The following FYTTD1 variants were observed in gnomAD, a reference collection of about 807,000 sequenced individuals.
The protein encoded by FYTTD1 is forty-two-three domain containing 1.
Under a neutral mutation model 40.9 loss-of-function variants are expected in FYTTD1, and 22 were observed. That is an observed-to-expected ratio of 0.54 (90% confidence interval 0.38 to 0.77). The LOEUF (loss-of-function observed/expected upper bound fraction) is 0.77. FYTTD1 is among the 30% of genes least tolerant of loss of function. FYTTD1 has a pLI of 0.00. For missense variants in FYTTD1, 351 were observed against 392.2 expected, an observed-to-expected ratio of 0.90 and a Z score of 0.89; for synonymous variants, 140 against 137.9, an observed-to-expected ratio of 1.01 and a Z score of -0.10.
Position 197,783,581 on chromosome 3 carries a change from T to C in FYTTD1, c.*1672T>C, listed in dbSNP as rs1470568850. The C allele has an allele frequency of 1.3e-5, 2 of 152,648 alleles. No individual in the cohort carries two copies. The highest frequency in any genetic ancestry group is 6.5e-5 in the Admixed American group (1 of 15,280). 9.5% of individuals were successfully genotyped at this position (152,648 alleles called of 1,614,324 possible). A position where few individuals can be genotyped will look rare whatever the true frequency, so the allele number is the denominator to read the frequency against. On this transcript the variant is annotated 3_prime_UTR_variant, in exon 9 of 9. Transcript: ENST00000241502. ...GAATTTGGAAATAAATTCTAGTCTC[T>C]CCTTAGCTATTTGATGCTTTTCATA...
chr3:197,779,270 C>T lies in FYTTD1; in HGVS notation c.858+806C>T, dbSNP rs1045088620. 2.0e-5 allele frequency among the ~76,000 whole-genome samples: 3 copies of T among 152,140 alleles called. No individual in the cohort carries two copies. In the East Asian group the frequency reaches 5.8e-4, roughly 29 times the overall value. ...TCTCTACTAAAAATACAAAAATTAG[C>T]CTGGTGTGGTGGCTCATGCCTGTAA... On this transcript the variant is annotated intron_variant, in intron 8 of 8. Coordinates refer to ENST00000241502, the MANE Select transcript of FYTTD1 (RefSeq NM_032288.7).
At chr3:197,776,515 C>T (rs1276510119) in intron 6 of FYTTD1, among the ~76,000 whole-genome samples, 1 of 151,018 alleles carries the variant, frequency 6.6e-6, no homozygotes, top group Non-Finnish European at 1.5e-5. Flanking sequence ...GAGCCAGTGC[C>T]CGGCTGCAGC....
chr3:197,772,571 C>G (rs575099027), intron 4 of FYTTD1, among the ~76,000 whole-genome samples: 21 of 152,226 alleles, frequency 1.4e-4, no homozygotes, highest in African/African-American at 5.1e-4. Flanking sequence ...GAGCATTGTT[C>G]TGTGCATGAA....
intron 1 of FYTTD1, among the ~76,000 whole-genome samples, chr3:197,753,275 CAT>C (rs1729117149): frequency 6.6e-6 from 1 of 152,164 alleles, no homozygotes; most frequent in Non-Finnish European, 1.5e-5. Context: ...ATGAATTTCA[CAT>C]AGAGTACCAA....
In FYTTD1 at chr3:197,778,361, G is replaced by T; in HGVS notation, c.755G>T (p.Arg252Leu). Residue 252 changes from arginine to leucine, a missense_variant, in exon 8 of 9, where the codon CGT (arginine) becomes CTT (leucine). Arg to Leu is a moderately radical substitution (Grantham distance 102). Transcript: ENST00000241502. ...CPVTQKPRLTRTAVPSFLTKR... is the reference protein window; with the variant it reads ...CPVTQKPRLTLTAVPSFLTKR... Reference sequence around the variant, plus strand: ...AGAACTCAGAAACCACGATTAACTCGTACTGCTGTACCTTCATTTTTAACA... The same window carrying T: ...AGAACTCAGAAACCACGATTAACTCTTACTGCTGTACCTTCATTTTTAACA... The T allele has an allele frequency of 6.2e-7, 1 of 1,607,266 alleles. No homozygotes were observed. Among genetic ancestry groups the T allele is most frequent in the African/African-American group, 1.3e-5 (1 of 74,778 alleles).
intron 4 of FYTTD1, among the ~76,000 whole-genome samples, chr3:197,772,314 C>T (rs945025530): frequency 3.3e-5 from 5 of 152,026 alleles, no homozygotes; most frequent in Admixed American, 1.3e-4. Flanking sequence ...GTTAAACACT[C>T]GTTTATATAG....
intron 2 of FYTTD1, chr3:197,763,509 G>T (rs1456472570): frequency 2.2e-6 from 1 of 453,644 alleles, no homozygotes; most frequent in Non-Finnish European, 4.4e-6. Flanking sequence ...ATATGAAGAG[G>T]TTCGTGCTTG....
At chr3:197,764,484 C>A (rs1729480194) in intron 2 of FYTTD1, among the ~76,000 whole-genome samples, 1 of 151,952 alleles carries the variant, frequency 6.6e-6, no homozygotes, top group African/African-American at 2.4e-5. Flanking sequence ...CCGAGGTGGG[C>A]AGATTACGAG....
intron 2 of FYTTD1, among the ~76,000 whole-genome samples, chr3:197,758,933 G>A (rs1157791339): frequency 1.3e-5 from 2 of 152,190 alleles, no homozygotes; most frequent in African/African-American, 4.8e-5. Context: ...CTTTAACTTC[G>A]TGTGTGAAAA....
chr3:197,749,790 G>A, upstream of FYTTD1: 3 of 500,812 alleles, frequency 6.0e-6, no homozygotes, highest in East Asian at 8.1e-5. Context: ...ACGGCGCGGG[G>A]CCGCTCTGGT....
rs191174439 is a variant in FYTTD1 at position 197,770,894 on chromosome 3, A to G, written c.497+650A>G. 4.2e-3 allele frequency among the ~76,000 whole-genome samples: 634 copies of G among 152,310 alleles called. 3 individuals are homozygous for G. The highest frequency in any genetic ancestry group is 0.015 in the African/African-American group (605 of 41,556). ...TTAGTGGGAATTATTCAAAATTGAG[A>G]ATTCTGAAATCTCAATTTGTTACTC... On this transcript the variant is annotated intron_variant, in intron 4 of 8. Coordinates refer to ENST00000241502, the MANE Select transcript of FYTTD1 (RefSeq NM_032288.7).
chr3:197,762,636 A>G (rs1729422342), intron 2 of FYTTD1, among the ~76,000 whole-genome samples: 1 of 151,996 alleles, frequency 6.6e-6, no homozygotes, highest in Non-Finnish European at 1.5e-5. Context: ...TAATCCCAGC[A>G]CTTTGGGAGG....
upstream of FYTTD1, chr3:197,749,732 C>T: frequency 1.6e-6 from 1 of 612,632 alleles, no homozygotes; most frequent in Non-Finnish European, 3.0e-6. Context: ...CCTAGCACAG[C>T]GGCTGCAATG....
chr3:197,764,801 A>G (rs1729493827), intron 2 of FYTTD1, among the ~76,000 whole-genome samples: 3 of 151,158 alleles, frequency 2.0e-5, no homozygotes, highest in African/African-American at 7.3e-5. Flanking sequence ...AATGTACTGT[A>G]CTATCAATAG....
intron 4 of FYTTD1, among the ~76,000 whole-genome samples, chr3:197,771,726 G>A (rs1336491274): frequency 6.0e-5 from 8 of 132,632 alleles, no homozygotes; most frequent in African/African-American, 1.7e-4. Flanking sequence ...GCAGTGAGCC[G>A]AGATCCCGCC....
In FYTTD1 at chr3:197,756,503, A is replaced by G. The variant is rs774599297; in HGVS notation, c.181A>G (p.Ser61Gly). 6 of 1,613,308 alleles carry G rather than the reference A, an allele frequency of 3.7e-6. No homozygotes were observed. The Admixed American group carries it at 8.3e-5, about 22-fold the overall frequency. The change falls in exon 2 of 9, where the codon AGT (serine) becomes GGT (glycine). Residue 61 changes from serine to glycine, a missense_variant. Transcript: ENST00000241502. ...ACTAAATAGAAGACTCCTCCAGCAA[A>G]GTGGTGCCCAGCAATTCAGGATGAG... is the stretch of plus-strand genomic sequence containing the variant. ...PRLNRRLLQQ[S>G]GAQQFRMRVR...
intron 1 of FYTTD1, among the ~76,000 whole-genome samples, chr3:197,754,628 G>A (rs1346935978): frequency 1.3e-5 from 2 of 150,102 alleles, no homozygotes; most frequent in African/African-American, 4.9e-5. Flanking sequence ...CTGGAATTAG[G>A]ACTATGGAGG....
intron 4 of FYTTD1, among the ~76,000 whole-genome samples, chr3:197,771,725 C>T (rs1580462181): frequency 1.5e-5 from 2 of 134,614 alleles, no homozygotes; most frequent in South Asian, 2.3e-4. Flanking sequence ...TGCAGTGAGC[C>T]GAGATCCCGC....
intron 8 of FYTTD1, among the ~76,000 whole-genome samples, chr3:197,779,413 CAAA>C: frequency 7.6e-6 from 1 of 131,658 alleles, no homozygotes; most frequent in Admixed American, 7.8e-5. Context: ...TACTACATCT[CAAA>C]AAAAAAAAGG....
Sources: gnomAD v4.1 joint callset for allele counts (sites outside exome capture counted in the v4.1 genomes callset) on GRCh38, gnomAD v4.1.1 for gene constraint, MANE v1.5 for transcripts, NCBI Gene and HGNC (gene_info 2026-07-23, HGNC 2026-07-21) for gene names.